TMC1: variants seen among roughly 807,000 people sequenced by gnomAD.
The protein encoded by TMC1 is transmembrane channel-like protein 1.
TMC1 carries 84 observed loss-of-function variants against 105.8 expected under a neutral mutation model. That is an observed-to-expected ratio of 0.79 (90% CI 0.67 to 0.95). TMC1 has a LOEUF of 0.95. Ranked by LOEUF, TMC1 falls within the 40% of genes least tolerant of loss-of-function variation. TMC1 has a pLI of 0.00. For missense variants in TMC1, 817 were observed against 914.1 expected (o/e 0.89, Z 1.37); for synonymous variants, 315 against 311.5 (o/e 1.01, Z -0.12).
Position 72,603,019 on chromosome 9 carries a change from T to C in TMC1, c.-305-13349T>C, listed in dbSNP as rs149185781. On this transcript the variant is annotated intron_variant, in intron 2 of 23. Transcript: ENST00000297784. ...TTATTTTAATGCCATTTACCAGTAT[T>C]GTGTATATGGAGGTGGTCTTGAGAG... is the stretch of plus-strand genomic sequence containing the variant. Among the ~76,000 whole-genome samples the C allele has an allele frequency of 3.4e-3, 523 of 152,300 alleles. 5 individuals are homozygous for C. The highest frequency in any genetic ancestry group is 2.5e-3 in the Non-Finnish European group (168 of 68,022).
intron 2 of TMC1, among the ~76,000 whole-genome samples, chr9:72,608,618 A>G (rs771243902): frequency 2.8e-4 from 42 of 152,014 alleles, no homozygotes; most frequent in Non-Finnish European, 5.3e-4. Flanking sequence ...GAGGCAGGAG[A>G]ATCACTTGAA....
intron 4 of TMC1, among the ~76,000 whole-genome samples, chr9:72,646,317 A>T (rs1825710242): frequency 6.6e-6 from 1 of 152,206 alleles, no homozygotes. Context: ...GTTTAGCAAA[A>T]GCTCAACTTT....
rs776220877 is a variant in TMC1 at position 72,688,744 on chromosome 9, G to A, written c.52G>A (p.Glu18Lys). ...IKVEEKEDET[E>K]ESSSEEEEEV... ...AGTGGAGGAAAAAGAAGACGAGACT[G>A]AGGAAAGCTCAAGTAAGTGGTGATG... Residue 18 changes from glutamate to lysine, a missense_variant, in exon 6 of 24, where the codon GAG becomes AAG. Coordinates refer to ENST00000297784, the MANE Select transcript of TMC1 (RefSeq NM_138691.3). 6.2e-7 allele frequency: 1 copy of A among 1,611,846 alleles called. No individual in the cohort carries two copies. The highest frequency in any genetic ancestry group is 1.1e-5 in the South Asian group (1 of 90,820).
At position 72,523,668 on chromosome 9, in the gene TMC1, G is replaced by A. The variant is rs148594720; in HGVS notation, c.-428+1755G>A. Among the ~76,000 whole-genome samples the A allele has an allele frequency of 3.9e-5, 6 of 152,202 alleles. No individual in the cohort carries two copies. In the South Asian group the frequency reaches 8.3e-4, roughly 21 times the overall value. Reference sequence around the variant, plus strand: ...AGAGACTGGCCTTGCTGTCTTAGGGGTGGCAGGGATGGTAGAGGTGCAGGA... The same window carrying A: ...AGAGACTGGCCTTGCTGTCTTAGGGATGGCAGGGATGGTAGAGGTGCAGGA... On this transcript the variant is annotated intron_variant, in intron 1 of 23. Transcript: ENST00000297784.
intron 5 of TMC1, among the ~76,000 whole-genome samples, chr9:72,674,106 A>C (rs774508599): frequency 5.2e-4 from 79 of 152,342 alleles, no homozygotes; most frequent in Middle Eastern, 3.4e-3. Flanking sequence ...GAACACTGAA[A>C]ACTATAAAAC....
At chr9:72,752,022 C>G in intron 11 of TMC1, 66 bp downstream of exon 11, 1 of 1,039,776 alleles carries the variant, frequency 9.6e-7, no homozygotes, top group Non-Finnish European at 1.5e-6. Flanking sequence ...GTATTTATCT[C>G]TTCTTTAAAG....
At chr9:72,608,398 C>G (rs1818840928) in intron 2 of TMC1, among the ~76,000 whole-genome samples, 1 of 152,144 alleles carries the variant, frequency 6.6e-6, no homozygotes, top group Non-Finnish European at 1.5e-5. Context: ...GGTTTCATGT[C>G]TAGATGGCTG....
intron 3 of TMC1, among the ~76,000 whole-genome samples, chr9:72,617,883 C>A (rs1254970857): frequency 6.7e-6 from 1 of 148,892 alleles, no homozygotes; most frequent in Non-Finnish European, 1.5e-5. Flanking sequence ...ATAGTGGTTA[C>A]CATTTACCCA....
chr9:72,714,110 T>G (rs898598086), intron 8 of TMC1, among the ~76,000 whole-genome samples: 11 of 152,358 alleles, frequency 7.2e-5, no homozygotes, highest in Middle Eastern at 3.4e-3. Context: ...AGTTCTAATT[T>G]GATTGCACTG....
chr9:72,647,666 A>T (rs1825736652), intron 4 of TMC1, among the ~76,000 whole-genome samples: 1 of 152,216 alleles, frequency 6.6e-6, no homozygotes, highest in South Asian at 2.1e-4. Flanking sequence ...GGTGTGCTCC[A>T]TACTGCCTTG....
intron 13 of TMC1, among the ~76,000 whole-genome samples, chr9:72,775,667 C>T (rs77110753): frequency 0.018 from 2,666 of 152,140 alleles, 68 homozygotes; most frequent in African/African-American, 0.06. Flanking sequence ...TAGTCCATTT[C>T]GTGTTGCTAT....
At chr9:72,737,725 C>T (rs1827323374) in intron 8 of TMC1, among the ~76,000 whole-genome samples, 1 of 152,188 alleles carries the variant, frequency 6.6e-6, no homozygotes, top group Non-Finnish European at 1.5e-5. Context: ...CTCTAAAAGA[C>T]ATTGTTAATG....
intron 8 of TMC1, among the ~76,000 whole-genome samples, chr9:72,715,863 C>T (rs1826908301): frequency 6.6e-6 from 1 of 152,124 alleles, no homozygotes; most frequent in Non-Finnish European, 1.5e-5. Flanking sequence ...GAATGTTCAG[C>T]CTTTTCGCAC....
At chr9:72,800,125 A>G (rs1357530232) in intron 17 of TMC1, among the ~76,000 whole-genome samples, 1 of 152,182 alleles carries the variant, frequency 6.6e-6, no homozygotes, top group Non-Finnish European at 1.5e-5. Context: ...GTTTTAAACC[A>G]CTACATTTAT....
chr9:72,804,124 A>C (rs962766910), intron 17 of TMC1, among the ~76,000 whole-genome samples: 2 of 152,192 alleles, frequency 1.3e-5, no homozygotes. Context: ...CAGCACACTA[A>C]CACAGGAACA....
At chr9:72,710,014 C>T (rs1826810133) in intron 8 of TMC1, among the ~76,000 whole-genome samples, 1 of 152,094 alleles carries the variant, frequency 6.6e-6, no homozygotes, top group Non-Finnish European at 1.5e-5. Flanking sequence ...TTTAGCACCA[C>T]CTTTGATGTA....
intron 1 of TMC1, among the ~76,000 whole-genome samples, chr9:72,531,894 C>A (rs906764906): frequency 2.0e-5 from 3 of 152,072 alleles, no homozygotes; most frequent in Non-Finnish European, 4.4e-5. Flanking sequence ...CATTAGAATC[C>A]TGCTAGCCCT....
chr9:72,803,156 A>T (rs1455891281), intron 17 of TMC1, among the ~76,000 whole-genome samples: 1 of 152,154 alleles, frequency 6.6e-6, no homozygotes, highest in Non-Finnish European at 1.5e-5. Flanking sequence ...TTAATAAATG[A>T]TGCTAAGAAA....
At chr9:72,810,338 T>C (rs1246579864) in intron 18 of TMC1, among the ~76,000 whole-genome samples, 1 of 152,124 alleles carries the variant, frequency 6.6e-6, no homozygotes, top group African/African-American at 2.4e-5. Context: ...ATCATGGTCC[T>C]TTCTACTGTA....
Sources: gnomAD v4.1 joint callset for allele counts (sites outside exome capture counted in the v4.1 genomes callset) on GRCh38, gnomAD v4.1.1 for gene constraint, MANE v1.5 for transcripts, NCBI Gene and HGNC (gene_info 2026-07-23, HGNC 2026-07-21) for gene names.